PRKCG: variants seen among roughly 807,000 people sequenced by gnomAD.
PRKCG encodes protein kinase C gamma type.
A neutral mutation model predicts 82.0 loss-of-function variants in PRKCG; 28 were observed. That is an observed-to-expected ratio of 0.34 (90% CI 0.25 to 0.47). PRKCG has a LOEUF of 0.47. Among genes scored for constraint, PRKCG ranks in the 20% least tolerant of loss-of-function variants. PRKCG has a pLI of 1.00. For missense variants in PRKCG, 640 were observed against 952.7 expected (o/e 0.67, Z 4.32); for synonymous variants, 383 against 376.6 (o/e 1.02, Z -0.20).
At chr19:53,896,061 G>GAA (rs34110242) in intron 9 of PRKCG, among the ~76,000 whole-genome samples, 5 of 126,562 alleles carry the variant, frequency 4.0e-5, no homozygotes, top group Admixed American at 8.3e-5. Context: ...CTCTATCTCA[G>GAA]AAAAAAAAAA....
chr19:53,902,866 C>G (rs1190042082), intron 14 of PRKCG, among the ~76,000 whole-genome samples: 2 of 125,254 alleles, frequency 1.6e-5, no homozygotes, highest in Non-Finnish European at 1.6e-5. Flanking sequence ...GTGCTCCAGC[C>G]TGGGCAACAG....
In PRKCG at chr19:53,904,685, A is replaced by G. The variant is rs369040051; in HGVS notation, c.1707A>G (p.Glu569=). The part of the protein sequence containing the change: ...DEEELFQAIM[E]QTVTYPKSLS... ...AGGAGCTGTTTCAGGCCATCATGGA[A>G]CAAACTGTCACCTACCCCAAGTCGC... The change falls in exon 16 of 18, where the codon GAA becomes GAG. Residue 569 remains glutamate (E), a synonymous_variant. Coordinates refer to ENST00000263431, the MANE Select transcript of PRKCG (RefSeq NM_002739.5). 1.2e-6 allele frequency: 2 copies of G among 1,613,740 alleles called. No individual in the cohort carries two copies. Among genetic ancestry groups the G allele is most frequent in the Non-Finnish European group, 1.7e-6 (2 of 1,179,918 alleles).
chr19:53,883,938 C>T lies in PRKCG; in HGVS notation c.203-223C>T, dbSNP rs531610835. On this transcript the variant is annotated intron_variant, in intron 2 of 17. Transcript: ENST00000263431. This position sits in a 1 kb window ranked among gnomAD's most constrained non-coding sequence, Gnocchi z 5.4. ...CTCTGTGTCTCTCTGTAAGTCTCTG[C>T]GTCTCTGTTTCTGACTCTGAGCCCA... is the stretch of plus-strand genomic sequence containing the variant. Among the ~76,000 whole-genome samples, 1 of 152,224 alleles carries T rather than the reference C, an allele frequency of 6.6e-6. No homozygotes were observed. Among genetic ancestry groups the T allele is most frequent in the African/African-American group, 2.4e-5 (1 of 41,548 alleles).
chr19:53,900,524 G>A lies in PRKCG; in HGVS notation c.1436+43G>A. ...TTTCCGTGGAGGAAATCACGCCCCT[G>A]GAAGGGAAGGGATTTGAATATGTGG... On this transcript the variant is annotated intron_variant, in intron 13 of 17. Transcript: ENST00000263431. This position sits in a 1 kb window ranked among gnomAD's most constrained non-coding sequence, Gnocchi z 4.2. 1 of 1,614,018 alleles carries A rather than the reference G, an allele frequency of 6.2e-7. No homozygotes were observed. Among genetic ancestry groups the A allele is most frequent in the Non-Finnish European group, 8.5e-7 (1 of 1,179,938 alleles).
chr19:53,889,209 C>T lies in PRKCG; in HGVS notation c.286-429C>T, dbSNP rs933385069. On this transcript the variant is annotated intron_variant, in intron 3 of 17. Coordinates refer to ENST00000263431, the MANE Select transcript of PRKCG (RefSeq NM_002739.5). The surrounding 1 kb of genome is among the most constrained non-coding windows in gnomAD (Gnocchi z 4.4). ...CTCAAGGCAATCCGCCCACCTCGGC[C>T]TCCCAAAGTGCTGGGATTACAGGCA... 2.6e-5 allele frequency among the ~76,000 whole-genome samples: 4 copies of T among 152,148 alleles called. No homozygotes were observed. Among genetic ancestry groups the T allele is most frequent in the African/African-American group, 9.7e-5 (4 of 41,430 alleles).
intron 9 of PRKCG, among the ~76,000 whole-genome samples, chr19:53,896,847 C>T (rs948000459): frequency 5.9e-5 from 9 of 152,214 alleles, no homozygotes; most frequent in African/African-American, 2.2e-4. Context: ...ATGTAAATTA[C>T]TAAGAATAAA....
Position 53,892,593 on chromosome 19 carries a change from G to A in PRKCG, c.771G>A (p.Gly257=), listed in dbSNP as rs2122996441. The A allele has an allele frequency of 6.2e-7, 1 of 1,613,608 alleles. No individual in the cohort carries two copies. The highest frequency in any genetic ancestry group is 8.5e-7 in the Non-Finnish European group (1 of 1,180,010). ...GGACCTCCCGCAACGACTTCATGGG[G>A]GCCATGTCCTTTGGCGTCTCGGAGC... ...WDRTSRNDFM[G]AMSFGVSELL... Residue 257 remains glycine (G), a synonymous_variant, in exon 7 of 18, where the codon GGG becomes GGA. Transcript: ENST00000263431. The surrounding 1 kb of genome is among the most constrained non-coding windows in gnomAD (Gnocchi z 5.9).
rs59842465 is a variant in PRKCG at position 53,900,882 on chromosome 19, T to G, written c.1575+133T>G. On this transcript the variant is annotated intron_variant, in intron 14 of 17. Coordinates refer to ENST00000263431, the MANE Select transcript of PRKCG (RefSeq NM_002739.5). This position sits in a 1 kb window ranked among gnomAD's most constrained non-coding sequence, Gnocchi z 4.2. ...AGTTGTGGCCTTCTTACACAGCCAG[T>G]CGTTCCTCCAGCCTCCAGCACAGGT... 41,242 of 1,481,070 alleles carry G rather than the reference T, an allele frequency of 0.028. 3,101 individuals carry two copies. Among genetic ancestry groups the G allele is most frequent in the African/African-American group, 0.24 (17,745 of 72,430 alleles). The allele number at this position is 1,481,070 out of a possible 1,614,324, so 91.7% of individuals were successfully genotyped here.
intron 9 of PRKCG, among the ~76,000 whole-genome samples, chr19:53,894,097 G>A (rs941312713): frequency 1.5e-4 from 20 of 136,660 alleles, no homozygotes; most frequent in African/African-American, 5.5e-4. Flanking sequence ...ACGGAGTCTC[G>A]CTGTGACGCC....
At chr19:53,890,112 G>T in intron 5 of PRKCG, 95 bp downstream of exon 5, 1 of 1,335,848 alleles carries the variant, frequency 7.5e-7, no homozygotes, top group Non-Finnish European at 1.0e-6. Context: ...CTACCCCAAA[G>T]ATGGGGCCAC....
chr19:53,893,507 C>T, intron 9 of PRKCG, 116 bp downstream of exon 9: 2 of 1,143,020 alleles, frequency 1.7e-6, no homozygotes, highest in Non-Finnish European at 2.6e-6. Context: ...CACATTTGTG[C>T]TAGGCCTGTC....
intron 3 of PRKCG, among the ~76,000 whole-genome samples, chr19:53,887,217 G>A (rs1335033996): frequency 6.6e-6 from 1 of 152,024 alleles, no homozygotes; most frequent in Non-Finnish European, 1.5e-5. Context: ...TAACATGCAG[G>A]CCAGGCACAG....
chr19:53,892,545 C>G lies in PRKCG; in HGVS notation c.723C>G (p.Ser241Arg), dbSNP rs1161186262. 1 of 1,613,266 alleles carries G rather than the reference C, an allele frequency of 6.2e-7. No homozygotes were observed. The highest frequency in any genetic ancestry group is 8.5e-7 in the Non-Finnish European group (1 of 1,179,906). The change falls in exon 7 of 18, where the codon AGC becomes AGG. Residue 241 changes from serine (S) to arginine (R), a missense_variant. Around this residue, in one of 7 missense-constraint regions of PRKCG, gnomAD observed 261 missense variants for 312.1 expected, o/e 0.84. Transcript: ENST00000263431. The surrounding 1 kb of genome is among the most constrained non-coding windows in gnomAD (Gnocchi z 5.9). ...CAGGGGATGTGGAGCGCCGGCTCAGCGTGGAGGTGTGGGACTGGGACCGGA... is the reference window on the plus strand; with the variant it reads ...CAGGGGATGTGGAGCGCCGGCTCAGGGTGGAGGTGTGGGACTGGGACCGGA... ...LKPGDVERRL[S>R]VEVWDWDRTS...
At position 53,882,763 on chromosome 19, in the gene PRKCG, T is replaced by A; in HGVS notation, c.170+99T>A. 3 of 1,473,514 alleles carry A rather than the reference T, an allele frequency of 2.0e-6. No individual in the cohort carries two copies. The Admixed American group carries it at 6.6e-5, about 32-fold the overall frequency. The allele number at this position is 1,473,514 out of a possible 1,614,324, so 91.3% of individuals were successfully genotyped here. A position where few individuals can be genotyped will look rare whatever the true frequency, so the allele number is the denominator to read the frequency against. ...GGAAGGAAGAAGGAGGGGGCTGTAG[T>A]CCCGACTCCCAGGTTCTAGGATGGC... On this transcript the variant is annotated intron_variant, in intron 1 of 17. Coordinates refer to ENST00000263431, the MANE Select transcript of PRKCG (RefSeq NM_002739.5). The surrounding 1 kb of genome is among the most constrained non-coding windows in gnomAD (Gnocchi z 6.1).
chr19:53,902,660 G>A (rs944810912), intron 14 of PRKCG, among the ~76,000 whole-genome samples: 2 of 151,814 alleles, frequency 1.3e-5, no homozygotes, highest in Admixed American at 1.3e-4. Flanking sequence ...TTTGGGAGGC[G>A]GAGGCAGGCC....
chr19:53,897,868 T>C, intron 9 of PRKCG, 91 bp from the exon 10 acceptor site: 14 of 1,575,886 alleles, frequency 8.9e-6, no homozygotes, highest in Middle Eastern at 2.2e-4. Flanking sequence ...TCTCATCCTT[T>C]CCTTTCTTGG....
rs1048209304 is a variant in PRKCG at position 53,883,109 on chromosome 19, T to C, written c.171-54T>C. The C allele has an allele frequency of 3.3e-5, 53 of 1,605,180 alleles. No homozygotes were observed. Among genetic ancestry groups the C allele is most frequent in the East Asian group, 1.6e-4 (7 of 44,784 alleles). On this transcript the variant is annotated intron_variant, in intron 1 of 17. Transcript: ENST00000263431. The surrounding 1 kb of genome is among the most constrained non-coding windows in gnomAD (Gnocchi z 5.4). ...GCAGGCCCCCTGTGGCTCGCAGAGG[T>C]TGGGGGTCCAGGTACCCCTTTCTGC...
chr19:53,897,859 C>T, intron 9 of PRKCG, 100 bp from the exon 10 acceptor site: 1 of 1,553,582 alleles, frequency 6.4e-7, no homozygotes, highest in Non-Finnish European at 8.8e-7. Context: ...TCTAGCGATT[C>T]TCATCCTTTC....
chr19:53,892,925 C>A lies in PRKCG; in HGVS notation c.822-63C>A. 2 of 1,457,678 alleles carry A rather than the reference C, an allele frequency of 1.4e-6. No homozygotes were observed. The highest frequency in any genetic ancestry group is 1.1e-5 in the South Asian group (1 of 87,040). The allele number at this position is 1,457,678 out of a possible 1,614,324, so 90.3% of individuals were successfully genotyped here. ...GTGTCTCTTTCCTCCCTTCCAATGT[C>A]TTTGCCTCTCCCATGGGTGCCCCAT... On this transcript the variant is annotated intron_variant, in intron 7 of 17. Transcript: ENST00000263431. The surrounding 1 kb of genome is among the most constrained non-coding windows in gnomAD (Gnocchi z 5.9).
Sources: allele counts gnomAD v4.1 joint callset (sites outside exome capture counted in the v4.1 genomes callset), GRCh38; gene constraint gnomAD v4.1.1; regional missense constraint gnomAD v4.1.1; non-coding constraint Gnocchi (gnomAD v3.1); transcripts MANE v1.5; gene names NCBI Gene and HGNC (gene_info 2026-07-23, HGNC 2026-07-21).